Variants in FRAS1 observed in about 807,000 individuals in gnomAD.
The protein encoded by FRAS1 is extracellular matrix organizing protein FRAS1.
FRAS1 carries 290 observed loss-of-function variants against 435.2 expected under a neutral mutation model. That is an observed-to-expected ratio of 0.67 (90% CI 0.61 to 0.73). FRAS1 has a LOEUF of 0.73. Ranked by LOEUF, FRAS1 falls within the 30% of genes least tolerant of loss-of-function variation. The pLI is 0.00. For synonymous variants in FRAS1, 1,800 were observed against 1,851.0 expected (o/e 0.97, Z 0.71); for missense variants, 4,860 against 5,001.5 (o/e 0.97, Z 0.85).
intron 6 of FRAS1, among the ~76,000 whole-genome samples, chr4:78,263,947 C>T (rs1056831213): frequency 6.6e-6 from 1 of 152,122 alleles, no homozygotes; most frequent in African/African-American, 2.4e-5. Flanking sequence ...TTCTGTGACT[C>T]CACCCCTCCC....
intron 30 of FRAS1, among the ~76,000 whole-genome samples, chr4:78,401,126 A>T (rs1248572856): frequency 6.6e-6 from 1 of 152,248 alleles, no homozygotes; most frequent in Non-Finnish European, 1.5e-5. Flanking sequence ...GTTTTAAAAC[A>T]ACTTCATTTT....
chr4:78,216,538 A>T (rs376957392), intron 2 of FRAS1, among the ~76,000 whole-genome samples: 6 of 152,196 alleles, frequency 3.9e-5, no homozygotes, highest in Non-Finnish European at 8.8e-5. Flanking sequence ...GTTATAGATA[A>T]TAGGGATAAT....
intron 2 of FRAS1, among the ~76,000 whole-genome samples, chr4:78,121,713 G>T (rs1157186897): frequency 6.6e-6 from 1 of 152,148 alleles, no homozygotes; most frequent in South Asian, 2.1e-4. Context: ...AGACTGGACC[G>T]TGTGTGTTTT....
chr4:78,230,558 T>C (rs148332263), intron 2 of FRAS1, among the ~76,000 whole-genome samples: 1 of 152,288 alleles, frequency 6.6e-6, no homozygotes, highest in African/African-American at 2.4e-5. Context: ...TTCTTCATGG[T>C]TCCCTGACAA....
chr4:78,321,706 A>G (rs11944878), intron 18 of FRAS1, among the ~76,000 whole-genome samples: 10,401 of 151,804 alleles, frequency 0.069, 579 homozygotes, highest in East Asian at 0.27. Context: ...TTAGCTGGGC[A>G]TGGTGGCACG....
Position 78,372,774 on chromosome 4 carries a change from T to C in FRAS1, c.2926T>C (p.Cys976Arg). The C allele has an allele frequency of 6.2e-7, 1 of 1,613,206 alleles. No homozygotes were observed. The highest frequency in any genetic ancestry group is 8.5e-7 in the Non-Finnish European group (1 of 1,179,706). ...GCCCCTGAAAACAGACTGCCTGCAGTGCATGGATGGCTATGTTCTCCAGGA... is the reference window on the plus strand; with the variant it reads ...GCCCCTGAAAACAGACTGCCTGCAGCGCATGGATGGCTATGTTCTCCAGGA... ...SGPLKTDCLQ[C>R]MDGYVLQDGA... Residue 976 changes from cysteine (C) to arginine (R), a missense_variant, in exon 24 of 74, where the codon TGC becomes CGC. Coordinates refer to ENST00000512123, the MANE Select transcript of FRAS1 (RefSeq NM_025074.7).
intron 2 of FRAS1, among the ~76,000 whole-genome samples, chr4:78,091,623 T>TTA (rs1560516294): frequency 1.1e-4 from 17 of 148,104 alleles, no homozygotes. Context: ...ACACGTGTGT[T>TTA]TGTGTGTGTG....
intron 60 of FRAS1, among the ~76,000 whole-genome samples, chr4:78,498,892 G>T (rs1013342503): frequency 6.6e-6 from 1 of 150,850 alleles, no homozygotes; most frequent in African/African-American, 2.5e-5. Context: ...TTGTCGCCCA[G>T]GCTGGAGTGC....
At chr4:78,302,857 T>G (rs781230261) in intron 14 of FRAS1, among the ~76,000 whole-genome samples, 27 of 152,236 alleles carry the variant, frequency 1.8e-4, no homozygotes, top group Admixed American at 3.3e-4. Flanking sequence ...GGCTCTTTAG[T>G]TTAATTAGAT....
intron 14 of FRAS1, among the ~76,000 whole-genome samples, chr4:78,294,624 A>G (rs1443821946): frequency 6.6e-6 from 1 of 152,214 alleles, no homozygotes; most frequent in Non-Finnish European, 1.5e-5. Context: ...TTGGCTGGGA[A>G]GTAATTTCCT....
chr4:78,424,535 T>A (rs1348305910), intron 35 of FRAS1, 115 bp downstream of exon 35: 2 of 472,828 alleles, frequency 4.2e-6, no homozygotes, highest in Admixed American at 4.3e-5. Flanking sequence ...TACTTAAAAA[T>A]TATATAATTT....
chr4:78,261,391 T>G (rs889638842), intron 6 of FRAS1, among the ~76,000 whole-genome samples: 2 of 152,148 alleles, frequency 1.3e-5, no homozygotes, highest in Non-Finnish European at 2.9e-5. Context: ...TGTTACTCCT[T>G]TGTCTTTGAT....
chr4:78,335,204 G>C (rs1730125120), intron 19 of FRAS1, among the ~76,000 whole-genome samples: 2 of 152,126 alleles, frequency 1.3e-5, no homozygotes, highest in South Asian at 2.1e-4. Flanking sequence ...TGTGGCTTAA[G>C]ACAACAATTG....
At chr4:78,226,432 T>G (rs1363358353) in intron 2 of FRAS1, among the ~76,000 whole-genome samples, 2 of 152,124 alleles carry the variant, frequency 1.3e-5, no homozygotes, top group Non-Finnish European at 2.9e-5. Context: ...TTTATTTCAT[T>G]TTCATTCTTG....
chr4:78,491,996 C>G (rs1720366291), intron 59 of FRAS1, among the ~76,000 whole-genome samples: 1 of 152,026 alleles, frequency 6.6e-6, no homozygotes, highest in Non-Finnish European at 1.5e-5. Context: ...ACAAGCATTC[C>G]TATACAACTA....
chr4:78,393,679 T>C (rs11721437), intron 29 of FRAS1, among the ~76,000 whole-genome samples: 21,218 of 152,110 alleles, frequency 0.14, 1,866 homozygotes, highest in African/African-American at 0.25. Flanking sequence ...ACACTTAGGT[T>C]GATTCTGTAT....
intron 14 of FRAS1, among the ~76,000 whole-genome samples, chr4:78,290,837 C>A (rs1371692221): frequency 2.2e-5 from 3 of 136,560 alleles, no homozygotes; most frequent in African/African-American, 8.2e-5. Flanking sequence ...CAGAGTTTTG[C>A]TCTTGTCACG....
Position 78,057,864 on chromosome 4 carries a change from C to G in FRAS1, c.-146C>G. 2 of 675,828 alleles carry G rather than the reference C, an allele frequency of 3.0e-6. No homozygotes were observed. Among genetic ancestry groups the G allele is most frequent in the South Asian group, 1.8e-5 (1 of 55,106 alleles). 41.9% of individuals were successfully genotyped at this position (675,828 alleles called of 1,614,324 possible). On this transcript the variant is annotated 5_prime_UTR_variant, in exon 1 of 74. Transcript: ENST00000512123. This position sits in a 1 kb window ranked among gnomAD's most constrained non-coding sequence, Gnocchi z 4.2. Reference sequence around the variant, plus strand: ...GGGCTGATGAGTGTCGCTCTCCGCCCGTCCATCTCTTTTTCCCGGAGGTAA... The same window carrying G: ...GGGCTGATGAGTGTCGCTCTCCGCCGGTCCATCTCTTTTTCCCGGAGGTAA...
chr4:78,109,678 G>A (rs1259132077), intron 2 of FRAS1, among the ~76,000 whole-genome samples: 1 of 70,578 alleles, frequency 1.4e-5, no homozygotes, highest in Non-Finnish European at 2.7e-5. Context: ...CATTCCCTTT[G>A]AAAACTGGCA....
Sources: allele counts gnomAD v4.1 joint callset (sites outside exome capture counted in the v4.1 genomes callset), GRCh38; gene constraint gnomAD v4.1.1; non-coding constraint Gnocchi (gnomAD v3.1); transcripts MANE v1.5; gene names NCBI Gene and HGNC (gene_info 2026-07-23, HGNC 2026-07-21).